UBE2Q2: variants seen among roughly 807,000 people sequenced by gnomAD.
UBE2Q2 encodes the protein ubiquitin conjugating enzyme E2 Q2, also known as ubiquitin-conjugating enzyme E2 Q2.
Under a neutral mutation model 59.9 loss-of-function variants are expected in UBE2Q2, and 54 were observed. The ratio of observed to expected loss-of-function variants is 0.90; its 90% CI spans 0.72 to 1.13. The LOEUF is 1.13. Among genes scored for constraint, UBE2Q2 ranks in the 50% most tolerant of loss-of-function variants. UBE2Q2 has a pLI of 0.00. For missense variants in UBE2Q2, 433 were observed against 441.9 expected, an observed-to-expected ratio of 0.98 and a Z score of 0.18; for synonymous variants, 165 against 155.2, an observed-to-expected ratio of 1.06 and a Z score of -0.47.
chr15:75,877,271 G>GA (rs1898141845), intron 6 of UBE2Q2, among the ~76,000 whole-genome samples: 1 of 148,732 alleles, frequency 6.7e-6, no homozygotes, highest in African/African-American at 2.5e-5. Flanking sequence ...TTTGCTTAAA[G>GA]AATAAAAACA....
intron 1 of UBE2Q2, among the ~76,000 whole-genome samples, chr15:75,851,450 G>GT (rs1242563081): frequency 4.0e-5 from 6 of 151,838 alleles, no homozygotes; most frequent in Non-Finnish European, 5.9e-5. Flanking sequence ...TGATTTTACA[G>GT]TATCAAAATA....
At chr15:75,864,027 T>C (rs940620836) in intron 3 of UBE2Q2, among the ~76,000 whole-genome samples, 3 of 152,186 alleles carry the variant, frequency 2.0e-5, no homozygotes, top group African/African-American at 7.2e-5. Flanking sequence ...TGCCTGGTTT[T>C]TCATGATTGT....
At position 75,879,089 on chromosome 15, in the gene UBE2Q2, A is replaced by C. The variant is rs757316106; in HGVS notation, c.735-9A>C. 5 of 1,536,786 alleles carry C rather than the reference A, an allele frequency of 3.3e-6. No individual in the cohort carries two copies. Among genetic ancestry groups the C allele is most frequent in the Non-Finnish European group, 3.5e-6 (4 of 1,145,692 alleles). ...TTATTTGAACTGTTTTTTGTTTTGT[A>C]ATTCTTAGGGTTGACCCTGATAGTC... On this transcript the variant is annotated splice_polypyrimidine_tract_variant and intron_variant, in intron 7 of 12. Coordinates refer to ENST00000267938, the MANE Select transcript of UBE2Q2 (RefSeq NM_173469.4).
At chr15:75,892,611 A>G (rs1899164084) in intron 11 of UBE2Q2, among the ~76,000 whole-genome samples, 2 of 152,152 alleles carry the variant, frequency 1.3e-5, no homozygotes, top group African/African-American at 4.8e-5. Context: ...TGTAATCTCA[A>G]CACTTTGGGA....
chr15:75,857,887 C>G (rs551481060), intron 2 of UBE2Q2, among the ~76,000 whole-genome samples: 3 of 151,836 alleles, frequency 2.0e-5, no homozygotes, highest in Admixed American at 2.0e-4. Context: ...TAAAAAAAAT[C>G]TATATGCTTG....
At chr15:75,850,678 A>G (rs1432663079) in intron 1 of UBE2Q2, among the ~76,000 whole-genome samples, 2 of 152,184 alleles carry the variant, frequency 1.3e-5, no homozygotes, top group African/African-American at 4.8e-5. Flanking sequence ...TAGAATGGCA[A>G]AGGGATGTTT....
intron 2 of UBE2Q2, among the ~76,000 whole-genome samples, chr15:75,859,239 T>C (rs964559463): frequency 1.3e-5 from 2 of 152,028 alleles, no homozygotes; most frequent in Admixed American, 1.3e-4. Context: ...TGTTATTTTT[T>C]ATACAGACAC....
chr15:75,867,041 T>C (rs1897527577), intron 3 of UBE2Q2, among the ~76,000 whole-genome samples: 1 of 152,220 alleles, frequency 6.6e-6, no homozygotes, highest in Non-Finnish European at 1.5e-5. Context: ...ATTGTTGACC[T>C]GAGTGTCTTC....
At chr15:75,898,414 C>CT (rs1244519481) in intron 12 of UBE2Q2, among the ~76,000 whole-genome samples, 1 of 151,926 alleles carries the variant, frequency 6.6e-6, no homozygotes, top group Non-Finnish European at 1.5e-5. Context: ...ATTATACTTA[C>CT]TGTGTACAAA....
chr15:75,845,374 G>T lies in UBE2Q2; in HGVS notation c.180+1528G>T, dbSNP rs117969249. On this transcript the variant is annotated intron_variant, in intron 1 of 12. Transcript: ENST00000267938. ...AAGACTTGAGAAGCCCACGATACAG[G>T]CTGGAGAAGGGGAGGATTTTCCAAG... Among the ~76,000 whole-genome samples, 847 of 152,274 alleles carry T rather than the reference G, an allele frequency of 5.6e-3. 7 individuals carry two copies. The highest frequency in any genetic ancestry group is 7.9e-3 in the Non-Finnish European group (534 of 68,020).
At chr15:75,861,763 G>T (rs1315903570) in intron 3 of UBE2Q2, among the ~76,000 whole-genome samples, 1 of 151,964 alleles carries the variant, frequency 6.6e-6, no homozygotes, top group Non-Finnish European at 1.5e-5. Flanking sequence ...AAACTTAATG[G>T]CATAAAACAA....
At chr15:75,894,289 C>G (rs1234882149) in intron 11 of UBE2Q2, among the ~76,000 whole-genome samples, 1 of 152,090 alleles carries the variant, frequency 6.6e-6, no homozygotes, top group Non-Finnish European at 1.5e-5. Flanking sequence ...TGAAGGAGGC[C>G]AGGGACAGTG....
chr15:75,844,242 C>G (rs1022154683), intron 1 of UBE2Q2: 3 of 1,493,200 alleles, frequency 2.0e-6, no homozygotes, highest in Non-Finnish European at 2.7e-6. Context: ...GAGCCCAGGC[C>G]GGCAAGGGGA....
At position 75,844,560 on chromosome 15, in the gene UBE2Q2, C is replaced by G. The variant is rs556379052; in HGVS notation, c.180+714C>G. 7.8e-5 allele frequency: 114 copies of G among 1,463,642 alleles called. No individual in the cohort carries two copies. The African/African-American group carries it at 1.4e-3, about 18-fold the overall frequency. The allele number at this position is 1,463,642 out of a possible 1,614,324, so 90.7% of individuals were successfully genotyped here. A position where few individuals can be genotyped will look rare whatever the true frequency, so the allele number is the denominator to read the frequency against. The stretch of plus-strand genomic sequence containing the variant: ...GAAAATGGATAGGTGAAAGGAGATA[C>G]GCGCCAGGGCTGCTCCCCGGAAAGA... On this transcript the variant is annotated intron_variant, in intron 1 of 12. Transcript: ENST00000267938.
At chr15:75,893,747 G>C (rs1899238949) in intron 11 of UBE2Q2, among the ~76,000 whole-genome samples, 1 of 152,086 alleles carries the variant, frequency 6.6e-6, no homozygotes, top group South Asian at 2.1e-4. Flanking sequence ...AGCAATTAAG[G>C]TTAGAAGGCA....
intron 8 of UBE2Q2, among the ~76,000 whole-genome samples, chr15:75,880,974 C>T (rs1488634100): frequency 6.6e-6 from 1 of 151,826 alleles, no homozygotes; most frequent in Admixed American, 6.6e-5. Flanking sequence ...TTGAAGTGAC[C>T]CAAATGTCAG....
intron 7 of UBE2Q2, chr15:75,878,287 T>A: frequency 2.4e-6 from 1 of 424,586 alleles, no homozygotes; most frequent in Non-Finnish European, 4.2e-6. Context: ...AAAACAAAAG[T>A]GTATTTAATA....
intron 9 of UBE2Q2, among the ~76,000 whole-genome samples, chr15:75,886,388 A>G (rs2047867): frequency 0.98 from 149,769 of 152,212 alleles, 73,725 homozygotes; most frequent in East Asian, 1. Context: ...CCAAAGTGCT[A>G]GGATTATGGC....
chr15:75,845,453 G>A (rs540701060), intron 1 of UBE2Q2, among the ~76,000 whole-genome samples: 1 of 152,156 alleles, frequency 6.6e-6, no homozygotes, highest in Admixed American at 6.6e-5. Context: ...TTAAGGAGAC[G>A]GGCCTGAATG....
Sources: allele counts gnomAD v4.1 joint callset (sites outside exome capture counted in the v4.1 genomes callset), GRCh38; gene constraint gnomAD v4.1.1; transcripts MANE v1.5; gene names NCBI Gene and HGNC (gene_info 2026-07-23, HGNC 2026-07-21).